The following PARD3B variants were observed in gnomAD, a reference collection of about 807,000 sequenced individuals.
PARD3B encodes partitioning defective 3 homolog B.
A neutral mutation model predicts 130.2 loss-of-function variants in PARD3B; 103 were observed. The ratio of observed to expected loss-of-function variants is 0.79; its 90% CI spans 0.67 to 0.93. The LOEUF (loss-of-function observed/expected upper bound fraction) is 0.93. Among genes scored for constraint, PARD3B ranks in the 40% least tolerant of loss-of-function variants. The pLI is 0.00. For synonymous variants in PARD3B, 583 were observed against 553.2 expected, an observed-to-expected ratio of 1.05 and a Z score of -0.76; for missense variants, 1,609 against 1,499.2, an observed-to-expected ratio of 1.07 and a Z score of -1.21.
rs1167788920 is a variant in PARD3B at position 205,085,857 on chromosome 2, C to CATATTTATGA, written c.505-18566_505-18557dup. ...AACAATATATTTTTCATTATTTTATCATATTTATGAATGACTGGGTTGCAC... is the reference window on the plus strand; with the variant it reads ...AACAATATATTTTTCATTATTTTATCATATTTATGAATATTTATGAATGACTGGGTTGCAC... On this transcript the variant is annotated intron_variant, in intron 4 of 22. Coordinates refer to ENST00000406610, the MANE Select transcript of PARD3B (RefSeq NM_001302769.2). Among the ~76,000 whole-genome samples the CATATTTATGA allele has an allele frequency of 6.6e-5, 10 of 151,620 alleles. No individual in the cohort carries two copies. In the South Asian group the frequency reaches 2.1e-3, roughly 31 times the overall value.
At position 204,675,705 on chromosome 2, in the gene PARD3B, AAAGT is replaced by A. The variant is rs1168553680; in HGVS notation, c.121-10475_121-10472del. 6.6e-6 allele frequency among the ~76,000 whole-genome samples: 1 copy of A among 152,222 alleles called. No homozygotes were observed. Among genetic ancestry groups the A allele is most frequent in the East Asian group, 1.9e-4 (1 of 5,204 alleles). On this transcript the variant is annotated intron_variant, in intron 1 of 22. Transcript: ENST00000406610. This position sits in a 1 kb window ranked among gnomAD's most constrained non-coding sequence, Gnocchi z 4.4. ...TATAGTTACTTCACAAAGCTGAATG[AAAGT>A]GACATGGGTTAATTAACATTCCTTT...
intron 3 of PARD3B, among the ~76,000 whole-genome samples, chr2:205,001,012 A>G (rs181504910): frequency 4.4e-4 from 67 of 152,182 alleles, no homozygotes; most frequent in Admixed American, 2.2e-3. Context: ...TTTTTTAGAC[A>G]GAGTTTTGCT....
intron 2 of PARD3B, among the ~76,000 whole-genome samples, chr2:204,765,456 C>T (rs934922308): frequency 6.6e-6 from 1 of 152,152 alleles, no homozygotes; most frequent in Non-Finnish European, 1.5e-5. Context: ...TTAACCTAGC[C>T]TCTTGTCAGC....
intron 6 of PARD3B, 69 bp from the exon 7 acceptor site, chr2:205,118,852 G>A: frequency 9.1e-7 from 1 of 1,098,012 alleles, no homozygotes; most frequent in Non-Finnish European, 1.3e-6. Context: ...TTTCTGAATA[G>A]TTGCAAGTGG....
rs1237290848 is a variant in PARD3B, at chr2:204,991,346, G to C, written c.394+26023G>C. On this transcript the variant is annotated intron_variant, in intron 3 of 22. Coordinates refer to ENST00000406610, the MANE Select transcript of PARD3B (RefSeq NM_001302769.2). ...GCGGTGTTTGGTTTTTTGTTCTTGC[G>C]ATAGTTTACTGAGAATGATGTTTTC... 4.8e-5 allele frequency among the ~76,000 whole-genome samples: 7 copies of C among 144,684 alleles called. No individual in the cohort carries two copies. In the Admixed American group the frequency reaches 4.9e-4, roughly 10 times the overall value. 94.9% of individuals were successfully genotyped at this position (144,684 alleles called of 152,430 possible).
chr2:205,324,908 G>A (rs1247839827), intron 18 of PARD3B, among the ~76,000 whole-genome samples: 1 of 152,134 alleles, frequency 6.6e-6, no homozygotes, highest in Non-Finnish European at 1.5e-5. Context: ...AACTTTGCTT[G>A]TTTATCCTTA....
Position 204,890,669 on chromosome 2 carries a change from G to T in PARD3B, c.223-74483G>T, listed in dbSNP as rs1318826433. On this transcript the variant is annotated intron_variant, in intron 2 of 22. Transcript: ENST00000406610. This position sits in a 1 kb window ranked among gnomAD's most constrained non-coding sequence, Gnocchi z 4.9. ...AGAAAACCAGGACACATGCACAACG[G>T]TAAGTGTCACAAAGTGACAACTGAG... Among the ~76,000 whole-genome samples, 1 of 152,126 alleles carries T rather than the reference G, an allele frequency of 6.6e-6. No individual in the cohort carries two copies. The highest frequency in any genetic ancestry group is 1.5e-5 in the Non-Finnish European group (1 of 68,030).
At chr2:205,531,918 GATTATTT>G (rs2051613903) in intron 21 of PARD3B, among the ~76,000 whole-genome samples, 1 of 152,034 alleles carries the variant, frequency 6.6e-6, no homozygotes, top group Non-Finnish European at 1.5e-5. Context: ...AGGATGGGTT[GATTATTT>G]ATTATCTTTC....
At chr2:205,295,976 G>A (rs2041776232) in intron 16 of PARD3B, among the ~76,000 whole-genome samples, 1 of 152,134 alleles carries the variant, frequency 6.6e-6, no homozygotes, top group African/African-American at 2.4e-5. Flanking sequence ...AATAAAAAGG[G>A]AAAGCATTTT....
At chr2:205,045,019 A>G (rs923742457) in intron 3 of PARD3B, among the ~76,000 whole-genome samples, 2 of 151,990 alleles carry the variant, frequency 1.3e-5, no homozygotes, top group Non-Finnish European at 2.9e-5. Context: ...ATTAGAAGAT[A>G]CTCAACAGGA....
intron 18 of PARD3B, among the ~76,000 whole-genome samples, chr2:205,338,149 T>C (rs1197360684): frequency 8.6e-5 from 8 of 92,578 alleles, no homozygotes; most frequent in Non-Finnish European, 9.3e-5. Context: ...TGAGACTCCA[T>C]CTCAAAAAAA....
At chr2:204,928,893 C>T (rs770918919) in intron 2 of PARD3B, among the ~76,000 whole-genome samples, 15 of 152,076 alleles carry the variant, frequency 9.9e-5, no homozygotes, top group Non-Finnish European at 1.6e-4. Flanking sequence ...GTCATGCTAG[C>T]CTTCCACCCA....
Position 205,253,215 on chromosome 2 carries a change from T to G in PARD3B, c.2185+7393T>G, listed in dbSNP as rs1371514997. On this transcript the variant is annotated intron_variant, in intron 16 of 22. Transcript: ENST00000406610. This position sits in a 1 kb window ranked among gnomAD's most constrained non-coding sequence, Gnocchi z 4.4. ...CTGCAGGTGTTGACCAGCAATTTCC[T>G]GCGGCATTTACTTCTTGATAACAAG... 2.4e-6 allele frequency: 1 copy of G among 410,730 alleles called. No individual in the cohort carries two copies. The highest frequency in any genetic ancestry group is 2.0e-5 in the African/African-American group (1 of 48,950). 25.4% of individuals were successfully genotyped at this position (410,730 alleles called of 1,614,324 possible).
At chr2:205,008,560 TCTA>T (rs763241401) in intron 3 of PARD3B, among the ~76,000 whole-genome samples, 30 of 152,308 alleles carry the variant, frequency 2.0e-4, no homozygotes, top group South Asian at 4.1e-4. Flanking sequence ...ACTTGATTGC[TCTA>T]CTATTAGATT....
At chr2:205,380,630 A>AT (rs2045339654) in intron 18 of PARD3B, among the ~76,000 whole-genome samples, 1 of 83,022 alleles carries the variant, frequency 1.2e-5, no homozygotes, top group African/African-American at 5.8e-5. Flanking sequence ...TTATATAAAG[A>AT]ATATTATATA....
chr2:205,554,401 T>C (rs1407117400), intron 22 of PARD3B, among the ~76,000 whole-genome samples: 1 of 152,222 alleles, frequency 6.6e-6, no homozygotes, highest in African/African-American at 2.4e-5. Flanking sequence ...CATCTGCTTT[T>C]ATAAATAGTA....
rs553012112 is a variant in PARD3B, at chr2:205,551,107, C to T, written c.3181-2217C>T. 2.9e-4 allele frequency among the ~76,000 whole-genome samples: 44 copies of T among 151,056 alleles called. No individual in the cohort carries two copies. The East Asian group carries it at 7.8e-3, about 27-fold the overall frequency. ...ATTATGCCAGGACAGTTCTGGATAA[C>T]GGTGCTGAAACTATTAACTTGGAAT... On this transcript the variant is annotated intron_variant, in intron 21 of 22. Transcript: ENST00000406610.
At chr2:204,850,189 GT>G (rs2044650707) in intron 2 of PARD3B, among the ~76,000 whole-genome samples, 1 of 152,064 alleles carries the variant, frequency 6.6e-6, no homozygotes, top group African/African-American at 2.4e-5. Flanking sequence ...CCTCCATTTT[GT>G]TTCATGGAAA....
At chr2:205,486,298 C>A (rs1027694086) in intron 20 of PARD3B, among the ~76,000 whole-genome samples, 1 of 152,186 alleles carries the variant, frequency 6.6e-6, no homozygotes, top group African/African-American at 2.4e-5. Context: ...CTATTCTGTA[C>A]ACCCCTAATG....
Sources: allele counts gnomAD v4.1 joint callset (sites outside exome capture counted in the v4.1 genomes callset), GRCh38; gene constraint gnomAD v4.1.1; non-coding constraint Gnocchi (gnomAD v3.1); transcripts MANE v1.5; gene names NCBI Gene and HGNC (gene_info 2026-07-23, HGNC 2026-07-21).